The following COL4A3 variants were observed in gnomAD, a reference collection of about 807,000 sequenced individuals.
The protein encoded by COL4A3 is collagen alpha-3(IV) chain.
A neutral mutation model predicts 217.4 loss-of-function variants in COL4A3; 135 were observed. The ratio of observed to expected loss-of-function variants is 0.62; its 90% CI spans 0.54 to 0.72. The LOEUF (loss-of-function observed/expected upper bound fraction) is 0.72. Among genes scored for constraint, COL4A3 ranks in the 30% least tolerant of loss-of-function variants. The pLI is 0.00. For synonymous variants in COL4A3, 690 were observed against 736.3 expected (o/e 0.94, Z 1.02); for missense variants, 1,868 against 2,119.9 (o/e 0.88, Z 2.33).
intron 1 of COL4A3, among the ~76,000 whole-genome samples, chr2:227,190,776 A>G (rs1257781642): frequency 6.6e-6 from 1 of 152,138 alleles, no homozygotes; most frequent in Non-Finnish European, 1.5e-5. Context: ...GCCTGGTGGC[A>G]CACACCTGTA....
chr2:227,176,680 T>C (rs1171036936), intron 1 of COL4A3, among the ~76,000 whole-genome samples: 1 of 152,204 alleles, frequency 6.6e-6, no homozygotes, highest in African/African-American at 2.4e-5. Context: ...GACAAAACAG[T>C]CAGGTCATTG....
chr2:227,196,876 T>C (rs2066500737), intron 1 of COL4A3, among the ~76,000 whole-genome samples: 2 of 150,768 alleles, frequency 1.3e-5, no homozygotes, highest in African/African-American at 2.5e-5. Context: ...GGTTTGGATG[T>C]GTCCCCACCC....
chr2:227,265,776 T>G (rs1355814061), intron 21 of COL4A3: 2 of 153,450 alleles, frequency 1.3e-5, no homozygotes, highest in African/African-American at 2.4e-5. Flanking sequence ...ATTAGTCCAT[T>G]CTCATGCTGC....
Position 227,314,170 on chromosome 2 carries a change from G to T in COL4A3, c.*2300G>T, listed in dbSNP as rs1399179162. On this transcript the variant is annotated 3_prime_UTR_variant, in exon 52 of 52. Coordinates refer to ENST00000396578, the MANE Select transcript of COL4A3 (RefSeq NM_000091.5). ...TACTCATAAGTAAAAGCCCTAGACTGGTGCTAATGTCAAACCACTGGCCTC... is the reference window on the plus strand; with the variant it reads ...TACTCATAAGTAAAAGCCCTAGACTTGTGCTAATGTCAAACCACTGGCCTC... The T allele has an allele frequency of 1.3e-5, 2 of 152,536 alleles. No homozygotes were observed. Among genetic ancestry groups the T allele is most frequent in the Non-Finnish European group, 2.9e-5 (2 of 68,022 alleles). The allele number at this position is 152,536 out of a possible 1,614,324, so 9.4% of individuals were successfully genotyped here.
chr2:227,196,919 T>C (rs918785683), intron 1 of COL4A3, among the ~76,000 whole-genome samples: 7 of 152,098 alleles, frequency 4.6e-5, no homozygotes, highest in African/African-American at 1.4e-4. Flanking sequence ...GCTCCTCCCA[T>C]AATTCCCACA....
chr2:227,237,069 T>C (rs2068743956), intron 1 of COL4A3, among the ~76,000 whole-genome samples: 1 of 152,156 alleles, frequency 6.6e-6, no homozygotes, highest in South Asian at 2.1e-4. Context: ...TGTGCATAGG[T>C]GTGAGGGCTG....
intron 28 of COL4A3, among the ~76,000 whole-genome samples, chr2:227,278,270 C>T (rs73993883): frequency 0.024 from 3,590 of 152,120 alleles, 149 homozygotes; most frequent in African/African-American, 0.082. Flanking sequence ...AAAATCTAGA[C>T]GCTGAGAGCT....
chr2:227,274,471 T>C (rs1024585539), intron 26 of COL4A3, among the ~76,000 whole-genome samples: 5 of 151,844 alleles, frequency 3.3e-5, no homozygotes, highest in East Asian at 1.9e-4. Context: ...TAAATATTTA[T>C]GTTTATCTGC....
intron 34 of COL4A3, among the ~76,000 whole-genome samples, chr2:227,288,127 G>C (rs901439535): frequency 3.9e-5 from 6 of 152,092 alleles, no homozygotes; most frequent in African/African-American, 1.4e-4. Context: ...ACGGAGTCTC[G>C]CTCTGTCACC....
At chr2:227,216,916 A>C (rs2067548229) in intron 1 of COL4A3, among the ~76,000 whole-genome samples, 1 of 152,224 alleles carries the variant, frequency 6.6e-6, no homozygotes, top group South Asian at 2.1e-4. Context: ...GCACTTCTAT[A>C]GACTCTCATG....
chr2:227,289,882 C>A, intron 35 of COL4A3, 117 bp from the exon 36 acceptor site: 1 of 997,884 alleles, frequency 1.0e-6, no homozygotes, highest in Non-Finnish European at 1.5e-6. Context: ...GACAAGTGCC[C>A]AAACCAGCCG....
In COL4A3 at chr2:227,297,685, G is replaced by T; in HGVS notation, c.3577G>T (p.Asp1193Tyr). 4 of 1,608,246 alleles carry T rather than the reference G, an allele frequency of 2.5e-6. No homozygotes were observed. Among genetic ancestry groups the T allele is most frequent in the Non-Finnish European group, 3.4e-6 (4 of 1,177,984 alleles). ...GNPGAQGAKG[D>Y]RGAPGFPGLP... is the part of the protein sequence containing the mutation. Reference sequence around the variant, plus strand: ...CTTCTTCTTTGCAGGAGCCAAAGGAGACAGGGGAGCCCCAGGTTTTCCTGG... The same window carrying T: ...CTTCTTCTTTGCAGGAGCCAAAGGATACAGGGGAGCCCCAGGTTTTCCTGG... Residue 1193 changes from aspartate (D) to tyrosine (Y), a missense_variant, in exon 42 of 52, where the codon GAC (aspartate) becomes TAC (tyrosine). This residue lies in a region of COL4A3 where 1,503 missense variants were observed against 1,786.1 expected (regional missense o/e 0.84). Coordinates refer to ENST00000396578, the MANE Select transcript of COL4A3 (RefSeq NM_000091.5).
intron 1 of COL4A3, among the ~76,000 whole-genome samples, chr2:227,207,720 G>C (rs114490711): frequency 6.6e-6 from 1 of 152,186 alleles, no homozygotes; most frequent in African/African-American, 2.4e-5. Flanking sequence ...GTGGCCAAAA[G>C]CTCTCCAGGT....
chr2:227,227,184 C>T (rs1177982533), intron 1 of COL4A3, among the ~76,000 whole-genome samples: 1 of 152,182 alleles, frequency 6.6e-6, no homozygotes, highest in Non-Finnish European at 1.5e-5. Context: ...TCATGAGCTA[C>T]TATGTTATGT....
rs1260778523 is a variant in COL4A3 at position 227,202,772 on chromosome 2, TCAC to T, written c.88-35195_88-35193del. Among the ~76,000 whole-genome samples, 71 of 122,486 alleles carry T rather than the reference TCAC, an allele frequency of 5.8e-4. 8 individuals carry two copies. Among genetic ancestry groups the T allele is most frequent in the Admixed American group, 2.2e-3 (25 of 11,184 alleles). 80.4% of individuals were successfully genotyped at this position (122,486 alleles called of 152,430 possible). A position where few individuals can be genotyped will look rare whatever the true frequency, so the allele number is the denominator to read the frequency against. On this transcript the variant is annotated intron_variant, in intron 1 of 51. Transcript: ENST00000396578. ...ATATATATATATATATATATATATA[TCAC>T]ATATATATACACATGTGTATATATA...
At chr2:227,294,245 T>A in intron 38 of COL4A3, 1 of 498,476 alleles carries the variant, frequency 2.0e-6, no homozygotes. Flanking sequence ...TAAAATAAAA[T>A]CGCATATTGA....
At chr2:227,210,567 G>A (rs113987935) in intron 1 of COL4A3, among the ~76,000 whole-genome samples, 7,624 of 152,192 alleles carry the variant, frequency 0.05, 409 homozygotes, top group East Asian at 0.24. Flanking sequence ...ACCAGCCTGG[G>A]TGACAGAGTG....
At chr2:227,222,856 T>C (rs1341272129) in intron 1 of COL4A3, among the ~76,000 whole-genome samples, 1 of 152,080 alleles carries the variant, frequency 6.6e-6, no homozygotes, top group Non-Finnish European at 1.5e-5. Flanking sequence ...GCCTCTCTGC[T>C]GGGGATATAG....
chr2:227,291,303 C>A (rs577859231), intron 37 of COL4A3, among the ~76,000 whole-genome samples: 120 of 152,212 alleles, frequency 7.9e-4, no homozygotes, highest in African/African-American at 2.8e-3. Flanking sequence ...GTGGCTCACG[C>A]CTGTAATCCT....
Sources: allele counts gnomAD v4.1 joint callset (sites outside exome capture counted in the v4.1 genomes callset), GRCh38; gene constraint gnomAD v4.1.1; regional missense constraint gnomAD v4.1.1; transcripts MANE v1.5; gene names NCBI Gene and HGNC (gene_info 2026-07-23, HGNC 2026-07-21).